KPNA4: variants seen among roughly 807,000 people sequenced by gnomAD.
The protein encoded by KPNA4 is importin subunit alpha-3.
KPNA4 carries 13 observed loss-of-function variants against 71.3 expected under a neutral mutation model. The ratio of observed to expected loss-of-function variants is 0.18; its 90% CI spans 0.12 to 0.29. The LOEUF (loss-of-function observed/expected upper bound fraction) is 0.29. Ranked by LOEUF, KPNA4 falls within the 10% of genes least tolerant of loss-of-function variation. The probability of loss-of-function intolerance (pLI) is 1.00; values close to 1 mark genes in which losing one functional copy is unlikely to be tolerated. For synonymous variants in KPNA4, 189 were observed against 195.2 expected (o/e 0.97, Z 0.26); for missense variants, 334 against 603.2 (o/e 0.55, Z 4.67).
At chr3:160,557,536 T>C (rs938844976) in intron 1 of KPNA4, among the ~76,000 whole-genome samples, 4 of 152,184 alleles carry the variant, frequency 2.6e-5, no homozygotes, top group African/African-American at 9.7e-5. Context: ...TGAAATTCCA[T>C]GTTTGTCAAA....
chr3:160,518,336 C>T lies in KPNA4; in HGVS notation c.904-2756G>A, dbSNP rs1213050584. On this transcript the variant is annotated intron_variant, in intron 11 of 16. Coordinates refer to ENST00000334256, the MANE Select transcript of KPNA4 (RefSeq NM_002268.5). ...ATTTTTAGTAGAGACGGGGTTTCAC[C>T]GTGTTAGCCAGGATGGTCTCGATCT... Among the ~76,000 whole-genome samples, 14 of 150,298 alleles carry T rather than the reference C, an allele frequency of 9.3e-5. No homozygotes were observed. In the South Asian group the frequency reaches 2.1e-3, roughly 23 times the overall value.
rs1482232677 is a variant in KPNA4, at chr3:160,496,818, TCA to T, written c.*5284_*5285del. ...AATCTGTAGAACCATTTACTTTTCC[TCA>T]CAGTCAACTGCTCTTACACCCAGAG... On this transcript the variant is annotated 3_prime_UTR_variant, in exon 17 of 17. Coordinates refer to ENST00000334256, the MANE Select transcript of KPNA4 (RefSeq NM_002268.5). 2 of 152,224 alleles carry T rather than the reference TCA, an allele frequency of 1.3e-5. No homozygotes were observed. The highest frequency in any genetic ancestry group is 2.4e-5 in the African/African-American group (1 of 41,458). The allele number at this position is 152,224 out of a possible 1,614,324, so 9.4% of individuals were successfully genotyped here. A position where few individuals can be genotyped will look rare whatever the true frequency, so the allele number is the denominator to read the frequency against.
At chr3:160,543,683 G>A (rs967685761) in intron 1 of KPNA4, among the ~76,000 whole-genome samples, 2 of 152,166 alleles carry the variant, frequency 1.3e-5, no homozygotes, top group African/African-American at 4.8e-5. Context: ...ATTGTCATTT[G>A]TAGTTACTAT....
chr3:160,510,725 A>G (rs1721073537), intron 13 of KPNA4, among the ~76,000 whole-genome samples: 1 of 152,118 alleles, frequency 6.6e-6, no homozygotes, highest in African/African-American at 2.4e-5. Context: ...AAATTTACAT[A>G]TATGTTTATC....
Position 160,548,207 on chromosome 3 carries a change from T to G in KPNA4, c.70-11367A>C, listed in dbSNP as rs76099262. On this transcript the variant is annotated intron_variant, in intron 1 of 16. Transcript: ENST00000334256. ...CATGTGGTGTTGTTAGTGCTCTGGG[T>G]TTTTTTTTGTTGTTGTTGGTGGTGG... Among the ~76,000 whole-genome samples, 351 of 151,426 alleles carry G rather than the reference T, an allele frequency of 2.3e-3. 2 individuals carry two copies. Among genetic ancestry groups the G allele is most frequent in the African/African-American group, 7.9e-3 (325 of 41,346 alleles).
chr3:160,496,905 C>A lies in KPNA4; in HGVS notation c.*5199G>T, dbSNP rs572727052. ...CTGGACTTGGACATCCTGAGTCAAA[C>A]TGCCATCACCTAAAGGGCCTGGATT... On this transcript the variant is annotated 3_prime_UTR_variant, in exon 17 of 17. Transcript: ENST00000334256. 3.9e-5 allele frequency: 6 copies of A among 152,294 alleles called. No individual in the cohort carries two copies. Among genetic ancestry groups the A allele is most frequent in the Admixed American group, 2.0e-4 (3 of 15,290 alleles). The allele number at this position is 152,294 out of a possible 1,614,324, so 9.4% of individuals were successfully genotyped here.
chr3:160,510,322 A>G (rs1490187814), intron 13 of KPNA4, among the ~76,000 whole-genome samples: 4 of 150,618 alleles, frequency 2.7e-5, no homozygotes, highest in Non-Finnish European at 3.0e-5. Context: ...AATATTTAAA[A>G]GTCATTAAAA....
intron 11 of KPNA4, among the ~76,000 whole-genome samples, chr3:160,516,287 C>T (rs1721219005): frequency 6.6e-6 from 1 of 152,084 alleles, no homozygotes. Flanking sequence ...CCACTGCACC[C>T]TGCTCCAAGA....
chr3:160,548,797 T>C (rs1454624835), intron 1 of KPNA4, among the ~76,000 whole-genome samples: 1 of 152,236 alleles, frequency 6.6e-6, no homozygotes, highest in Non-Finnish European at 1.5e-5. Context: ...TTCATCTGGA[T>C]ATATACTCAG....
chr3:160,555,278 A>T (rs1466389223), intron 1 of KPNA4, among the ~76,000 whole-genome samples: 1 of 152,202 alleles, frequency 6.6e-6, no homozygotes, highest in Non-Finnish European at 1.5e-5. Flanking sequence ...TTTATTTACT[A>T]TATCCTCTCA....
rs368620813 is a variant in KPNA4 at position 160,548,492 on chromosome 3, C to T, written c.70-11652G>A. On this transcript the variant is annotated intron_variant, in intron 1 of 16. Transcript: ENST00000334256. Reference sequence around the variant, plus strand: ...CTCTATCCCCTGGCAACCATTATTCCTTTTCCTGTTTCTATGCATTTGCCT... The same window carrying T: ...CTCTATCCCCTGGCAACCATTATTCTTTTTCCTGTTTCTATGCATTTGCCT... 9.9e-5 allele frequency among the ~76,000 whole-genome samples: 15 copies of T among 152,202 alleles called. No homozygotes were observed. The East Asian group carries it at 1.7e-3, about 18-fold the overall frequency.
chr3:160,515,573 G>C lies in KPNA4; in HGVS notation c.911C>G (p.Ala304Gly). The change falls in exon 12 of 17, where the codon GCA (alanine) becomes GGA (glycine). Residue 304 changes from alanine (A) to glycine (G), a missense_variant. Physicochemically the swap from Ala to Gly is moderately conservative, Grantham distance 60. Transcript: ENST00000334256. ...AACAATGTTGCCCACAGCTCTAAGT[G>C]CAGCAGTCTGAAATGCACAATGAGA... ...SHQEVKVQTA[A>G]LRAVGNIVTG... 6.2e-7 allele frequency: 1 copy of C among 1,613,122 alleles called. No individual in the cohort carries two copies. The highest frequency in any genetic ancestry group is 8.5e-7 in the Non-Finnish European group (1 of 1,179,528).
In KPNA4 at chr3:160,499,259, G is replaced by A. The variant is rs941982021; in HGVS notation, c.*2845C>T. 6.6e-6 allele frequency: 1 copy of A among 152,006 alleles called. No homozygotes were observed. The highest frequency in any genetic ancestry group is 1.5e-5 in the Non-Finnish European group (1 of 67,990). The allele number at this position is 152,006 out of a possible 1,614,324, so 9.4% of individuals were successfully genotyped here. A position where few individuals can be genotyped will look rare whatever the true frequency, so the allele number is the denominator to read the frequency against. Reference sequence around the variant, plus strand: ...ACTGAAGTCTTTGAAAATTACAAAGGAAATATATTTAAAGATAGATTTTAG... The same window carrying A: ...ACTGAAGTCTTTGAAAATTACAAAGAAAATATATTTAAAGATAGATTTTAG... On this transcript the variant is annotated 3_prime_UTR_variant, in exon 17 of 17. Transcript: ENST00000334256.
rs891148577 is a variant in KPNA4, at chr3:160,530,846, C to A, written c.469+9G>T. ...AAATCACAATTATGTTTATTAATAA[C>A]CAACTTACTGGACTGAACTACTGCT... On this transcript the variant is annotated intron_variant, in intron 7 of 16. Transcript: ENST00000334256. The A allele has an allele frequency of 3.8e-6, 6 of 1,587,452 alleles. No individual in the cohort carries two copies. In the African/African-American group the frequency reaches 4.1e-5, roughly 11 times the overall value.
intron 1 of KPNA4, among the ~76,000 whole-genome samples, chr3:160,559,119 G>A (rs541602265): frequency 2.6e-4 from 39 of 152,046 alleles, no homozygotes; most frequent in African/African-American, 7.5e-4. Context: ...TTGAAAAAAC[G>A]ACTGACAGAC....
intron 1 of KPNA4, among the ~76,000 whole-genome samples, chr3:160,546,620 A>T (rs1310092283): frequency 6.6e-6 from 1 of 152,196 alleles, no homozygotes; most frequent in Non-Finnish European, 1.5e-5. Context: ...GTCAAATAAG[A>T]TGAGGATTAC....
chr3:160,555,047 C>T (rs575560251), intron 1 of KPNA4, among the ~76,000 whole-genome samples: 1 of 152,284 alleles, frequency 6.6e-6, no homozygotes, highest in East Asian at 1.9e-4. Flanking sequence ...GTGGGGGACA[C>T]TCCCATGGGA....
chr3:160,523,172 T>A (rs1386890734), intron 10 of KPNA4, among the ~76,000 whole-genome samples: 1 of 152,178 alleles, frequency 6.6e-6, no homozygotes, highest in East Asian at 1.9e-4. Context: ...GTGTAAAACC[T>A]TTAAAACAAT....
rs1008638976 is a variant in KPNA4 at position 160,498,771 on chromosome 3, T to A, written c.*3333A>T. The A allele has an allele frequency of 6.6e-6, 1 of 152,220 alleles. No individual in the cohort carries two copies. The highest frequency in any genetic ancestry group is 6.5e-5 in the Admixed American group (1 of 15,280). The allele number at this position is 152,220 out of a possible 1,614,324, so 9.4% of individuals were successfully genotyped here. A position where few individuals can be genotyped will look rare whatever the true frequency, so the allele number is the denominator to read the frequency against. On this transcript the variant is annotated 3_prime_UTR_variant, in exon 17 of 17. Transcript: ENST00000334256. ...CTGCAGCTCTGGCTGACACCTTTAT[T>A]GCAGCCTTGTGAGACCCTGAGCAGA... is the stretch of plus-strand genomic sequence containing the variant.
Sources: allele counts gnomAD v4.1 joint callset (sites outside exome capture counted in the v4.1 genomes callset), GRCh38; gene constraint gnomAD v4.1.1; transcripts MANE v1.5; gene names NCBI Gene and HGNC (gene_info 2026-07-23, HGNC 2026-07-21).